Variants in TMBIM4 observed in about 807,000 individuals in gnomAD.
The protein encoded by TMBIM4 is protein lifeguard 4.
TMBIM4 carries 28 observed loss-of-function variants against 27.7 expected under a neutral mutation model. The ratio of observed to expected loss-of-function variants is 1.01; its 90% CI spans 0.75 to 1.38. The LOEUF is 1.38. Ranked by LOEUF, TMBIM4 falls within the 40% of genes most tolerant of loss-of-function variation. The pLI is 0.00. For synonymous variants in TMBIM4, 115 were observed against 113.1 expected (o/e 1.02, Z -0.11); for missense variants, 265 against 277.5 (o/e 0.95, Z 0.32).
At chr12:66,138,202 T>G (rs866441048) in intron 6 of TMBIM4, 36 bp from the exon 7 acceptor site, 2 of 1,589,294 alleles carry the variant, frequency 1.3e-6, no homozygotes, top group Middle Eastern at 1.7e-4. Context: ...TGTTTATATT[T>G]GAGAACAGTA....
intron 1 of TMBIM4, among the ~76,000 whole-genome samples, chr12:66,168,547 A>AGTT (rs2052174570): frequency 6.6e-6 from 1 of 152,232 alleles, no homozygotes; most frequent in Non-Finnish European, 1.5e-5. Flanking sequence ...AACCTAGTAA[A>AGTT]CAGGCTGTAA....
chr12:66,169,375 G>T (rs1398475819), intron 1 of TMBIM4: 1 of 634,162 alleles, frequency 1.6e-6, no homozygotes, highest in East Asian at 2.9e-5. Context: ...AAATAGTGCC[G>T]TCAGGGAGCT....
At chr12:66,156,342 A>G (rs749742048) in intron 1 of TMBIM4, among the ~76,000 whole-genome samples, 2 of 152,172 alleles carry the variant, frequency 1.3e-5, no homozygotes, top group African/African-American at 2.4e-5. Flanking sequence ...AACATCATCC[A>G]AGCCAAAAAC....
chr12:66,141,491 TA>T (rs900308479), intron 5 of TMBIM4, among the ~76,000 whole-genome samples: 4 of 151,820 alleles, frequency 2.6e-5, no homozygotes, highest in Non-Finnish European at 5.9e-5. Context: ...ATAATCACAA[TA>T]AATGTAAATG....
In TMBIM4 at chr12:66,149,476, AT is replaced by A. The variant is rs201930201; in HGVS notation, c.313-1536del. 8.7e-3 allele frequency among the ~76,000 whole-genome samples: 1,307 copies of A among 150,596 alleles called. 14 individuals carry two copies. Among genetic ancestry groups the A allele is most frequent in the African/African-American group, 0.03 (1,229 of 40,916 alleles). The stretch of plus-strand genomic sequence containing the variant: ...AAAAAAAAAAAAAAGAAAGAAAGAA[AT>A]TTTTTTGGGGGGGGCAGGGCAACAT... On this transcript the variant is annotated intron_variant, in intron 3 of 6. Coordinates refer to ENST00000358230, the MANE Select transcript of TMBIM4 (RefSeq NM_016056.4).
At position 66,152,236 on chromosome 12, in the gene TMBIM4, A is replaced by T. The variant is rs1234058345; in HGVS notation, c.312+35T>A. 2.3e-6 allele frequency: 3 copies of T among 1,318,154 alleles called. No individual in the cohort carries two copies. In the African/African-American group the frequency reaches 4.4e-5, roughly 19 times the overall value. 81.7% of individuals were successfully genotyped at this position (1,318,154 alleles called of 1,614,324 possible). A position where few individuals can be genotyped will look rare whatever the true frequency, so the allele number is the denominator to read the frequency against. ...TGCATTTATTTAAAACTCAGGAATAATTGTTAAGGGAATAGAGAAAGTCAG... is the reference window on the plus strand; with the variant it reads ...TGCATTTATTTAAAACTCAGGAATATTTGTTAAGGGAATAGAGAAAGTCAG... On this transcript the variant is annotated intron_variant, in intron 3 of 6. Transcript: ENST00000358230.
chr12:66,141,952 C>T (rs1436230578), intron 5 of TMBIM4, among the ~76,000 whole-genome samples: 1 of 152,116 alleles, frequency 6.6e-6, no homozygotes, highest in East Asian at 1.9e-4. Context: ...AAATAGAACA[C>T]TTAACATTAT....
intron 5 of TMBIM4, 60 bp from the exon 6 acceptor site, chr12:66,138,829 C>A: frequency 7.1e-7 from 1 of 1,414,178 alleles, no homozygotes. Flanking sequence ...ACTTTGTAAA[C>A]CCATTCAACA....
intron 5 of TMBIM4, among the ~76,000 whole-genome samples, chr12:66,142,570 G>A (rs2051685554): frequency 6.6e-6 from 1 of 151,836 alleles, no homozygotes. Context: ...CACACACAGT[G>A]GGTTGTGTTA....
chr12:66,148,806 C>T (rs775222982), intron 3 of TMBIM4, among the ~76,000 whole-genome samples: 1 of 152,166 alleles, frequency 6.6e-6, no homozygotes, highest in Non-Finnish European at 1.5e-5. Flanking sequence ...AACCCATATC[C>T]TAAATAAAAG....
At position 66,152,167 on chromosome 12, in the gene TMBIM4, A is replaced by T. The variant is rs2051855117; in HGVS notation, c.312+104T>A. 7.8e-6 allele frequency: 4 copies of T among 512,176 alleles called. No individual in the cohort carries two copies. The Admixed American group carries it at 1.2e-4, about 16-fold the overall frequency. The allele number at this position is 512,176 out of a possible 1,614,324, so 31.7% of individuals were successfully genotyped here. On this transcript the variant is annotated intron_variant, in intron 3 of 6. Coordinates refer to ENST00000358230, the MANE Select transcript of TMBIM4 (RefSeq NM_016056.4). ...TAATTTCCTAAAGTACTCTAAAAAA[A>T]ACTCATTAATTTTGTTCTGCCGTTG...
rs746764006 is a variant in TMBIM4, at chr12:66,137,913, C to T, written c.*47G>A. 8.8e-5 allele frequency: 134 copies of T among 1,525,252 alleles called. No homozygotes were observed. The highest frequency in any genetic ancestry group is 4.0e-4 in the Admixed American group (23 of 57,326). 94.5% of individuals were successfully genotyped at this position (1,525,252 alleles called of 1,614,324 possible). On this transcript the variant is annotated 3_prime_UTR_variant, in exon 7 of 7. Transcript: ENST00000358230. ...TCCAATTACTTTAATCCTTTTTTCT[C>T]ATTAAATTTTTTTTGTTGTTCTTCA...
At chr12:66,144,800 A>G (rs913703755) in intron 5 of TMBIM4, 4 of 152,172 alleles carry the variant, frequency 2.6e-5, no homozygotes, top group Admixed American at 6.5e-5. Flanking sequence ...ACACAGACAG[A>G]CGCACTTCAG....
chr12:66,158,381 C>T (rs1008011741), intron 1 of TMBIM4, among the ~76,000 whole-genome samples: 10 of 152,144 alleles, frequency 6.6e-5, no homozygotes, highest in Non-Finnish European at 8.8e-5. Context: ...TGGCTCATGC[C>T]TGTAATCCCA....
chr12:66,154,381 G>T (rs1035899830), intron 1 of TMBIM4, among the ~76,000 whole-genome samples: 1 of 152,178 alleles, frequency 6.6e-6, no homozygotes, highest in Non-Finnish European at 1.5e-5. Context: ...TTGGGAAGAA[G>T]CCTAATTCAT....
chr12:66,165,114 G>C (rs1040799511), intron 1 of TMBIM4, among the ~76,000 whole-genome samples: 1 of 152,046 alleles, frequency 6.6e-6, no homozygotes, highest in Admixed American at 6.5e-5. Flanking sequence ...TTGGAAAACC[G>C]ATGTTCATAC....
chr12:66,139,548 C>T lies in TMBIM4; in HGVS notation c.465-779G>A, dbSNP rs1001672263. ...CCCCAGCTACAGAGGGTTTCCAGGC[C>T]AGCGTGTAGGGATAAGAACCCATAC... On this transcript the variant is annotated intron_variant, in intron 5 of 6. Transcript: ENST00000358230. 7 of 446,520 alleles carry T rather than the reference C, an allele frequency of 1.6e-5. No individual in the cohort carries two copies. The East Asian group carries it at 4.9e-4, about 31-fold the overall frequency. 27.7% of individuals were successfully genotyped at this position (446,520 alleles called of 1,614,324 possible).
intron 4 of TMBIM4, 121 bp downstream of exon 4, chr12:66,147,787 C>A: frequency 2.9e-6 from 2 of 692,768 alleles, no homozygotes; most frequent in Non-Finnish European, 2.4e-6. Context: ...TTGTCCTATG[C>A]TATATTTCTG....
chr12:66,160,275 T>C (rs1231575047), intron 1 of TMBIM4: 15 of 702,596 alleles, frequency 2.1e-5, no homozygotes, highest in South Asian at 1.5e-5. Context: ...CCTCATATAT[T>C]GTTTGCTGAA....
Sources: allele counts gnomAD v4.1 joint callset (sites outside exome capture counted in the v4.1 genomes callset), GRCh38; gene constraint gnomAD v4.1.1; transcripts MANE v1.5; gene names NCBI Gene and HGNC (gene_info 2026-07-23, HGNC 2026-07-21).